Variants in IQUB observed in about 807,000 individuals in gnomAD.
IQUB encodes IQ motif and ubiquitin-like domain-containing protein.
IQUB carries 86 observed loss-of-function variants against 86.4 expected under a neutral mutation model. The observed-to-expected ratio is 1.00, with a 90% confidence interval of 0.84 to 1.19. IQUB has a LOEUF of 1.19. Ranked by LOEUF, IQUB falls within the 50% of genes most tolerant of loss-of-function variation. IQUB has a pLI of 0.00. For synonymous variants in IQUB, 289 were observed against 304.5 expected, an observed-to-expected ratio of 0.95 and a Z score of 0.53; for missense variants, 946 against 916.9, an observed-to-expected ratio of 1.03 and a Z score of -0.41.
chr7:123,486,379 T>C (rs140809217), intron 7 of IQUB, among the ~76,000 whole-genome samples: 2 of 152,264 alleles, frequency 1.3e-5, no homozygotes, highest in Non-Finnish European at 2.9e-5. Context: ...CCCTAACAAC[T>C]TCTCAATACC....
rs190800222 is a variant in IQUB, at chr7:123,498,831, C to A, written c.1024-1925G>T. Among the ~76,000 whole-genome samples the A allele has an allele frequency of 3.3e-3, 509 of 152,276 alleles. 2 individuals carry two copies. Among genetic ancestry groups the A allele is most frequent in the African/African-American group, 0.012 (490 of 41,560 alleles). ...TCTTAGTTATATGGCCTCACTGATACACAAGGGAAGTGATGAAATGTGGTC... is the reference window on the plus strand; with the variant it reads ...TCTTAGTTATATGGCCTCACTGATAAACAAGGGAAGTGATGAAATGTGGTC... On this transcript the variant is annotated intron_variant, in intron 6 of 12. Coordinates refer to ENST00000324698, the MANE Select transcript of IQUB (RefSeq NM_178827.5).
chr7:123,513,081 A>G (rs183255458), intron 1 of IQUB, among the ~76,000 whole-genome samples: 3 of 152,274 alleles, frequency 2.0e-5, no homozygotes, highest in African/African-American at 7.2e-5. Context: ...CCCAGACCAG[A>G]TTTCTATGGC....
chr7:123,466,280 T>C (rs895124433), intron 9 of IQUB, among the ~76,000 whole-genome samples: 4 of 152,168 alleles, frequency 2.6e-5, no homozygotes, highest in African/African-American at 9.7e-5. Context: ...GAATATTTCA[T>C]ACTAAACATA....
At chr7:123,475,749 C>T (rs1794722780) in intron 8 of IQUB, among the ~76,000 whole-genome samples, 1 of 152,132 alleles carries the variant, frequency 6.6e-6, no homozygotes, top group South Asian at 2.1e-4. Flanking sequence ...CATGGACACT[C>T]AGAGGCTTCC....
intron 6 of IQUB, among the ~76,000 whole-genome samples, chr7:123,497,505 G>A (rs1404594610): frequency 6.6e-6 from 1 of 151,954 alleles, no homozygotes; most frequent in Non-Finnish European, 1.5e-5. Context: ...TTATTAACTT[G>A]TATGAAACAT....
intron 9 of IQUB, among the ~76,000 whole-genome samples, chr7:123,468,712 C>A (rs1436083281): frequency 6.6e-6 from 1 of 152,184 alleles, no homozygotes; most frequent in Non-Finnish European, 1.5e-5. Context: ...CAGGAATTAT[C>A]CTGATAGCAC....
intron 3 of IQUB, among the ~76,000 whole-genome samples, chr7:123,509,054 T>C (rs920360588): frequency 6.6e-6 from 1 of 152,160 alleles, no homozygotes; most frequent in Non-Finnish European, 1.5e-5. Context: ...ACATCTTACA[T>C]TTACTATAAT....
intron 8 of IQUB, among the ~76,000 whole-genome samples, chr7:123,477,422 C>A (rs187317911): frequency 7.9e-4 from 120 of 152,258 alleles, no homozygotes; most frequent in African/African-American, 2.7e-3. Context: ...TCCTTACACA[C>A]CTTATACAAA....
Position 123,512,211 on chromosome 7 carries a change from C to G in IQUB, c.130G>C (p.Glu44Gln), listed in dbSNP as rs1239817598. 3.7e-6 allele frequency: 6 copies of G among 1,613,740 alleles called. No homozygotes were observed. Among genetic ancestry groups the G allele is most frequent in the Non-Finnish European group, 5.1e-6 (6 of 1,179,698 alleles). Reference protein sequence around the residue: ...EEPQESDQTEEHESGIEQFSE... With the variant: ...EEPQESDQTEQHESGIEQFSE... ...AATTGTTCTATTCCAGATTCATGCT[C>G]TTCAGTTTGATCTGACTCTTGAGGC... Residue 44 changes from glutamate (E) to glutamine (Q), a missense_variant, in exon 2 of 13, where the codon GAG becomes CAG. Physicochemically the swap from Glu to Gln is conservative, Grantham distance 29. Coordinates refer to ENST00000324698, the MANE Select transcript of IQUB (RefSeq NM_178827.5).
At chr7:123,472,533 A>G (rs1794574914) in intron 8 of IQUB, among the ~76,000 whole-genome samples, 1 of 152,202 alleles carries the variant, frequency 6.6e-6, no homozygotes, top group South Asian at 2.1e-4. Context: ...ATGGGTTGCT[A>G]TGAAGCACTT....
At chr7:123,481,238 T>C (rs1794989168) in intron 7 of IQUB, among the ~76,000 whole-genome samples, 1 of 152,230 alleles carries the variant, frequency 6.6e-6, no homozygotes, top group East Asian at 1.9e-4. Context: ...AAGGGAGCCA[T>C]CACCCCCCAC....
At chr7:123,520,007 A>G (rs1230610472) in intron 1 of IQUB, among the ~76,000 whole-genome samples, 2 of 142,730 alleles carry the variant, frequency 1.4e-5, no homozygotes, top group African/African-American at 2.6e-5. Flanking sequence ...GTACCTACTC[A>G]TTACCAGTCC....
At chr7:123,453,070 G>A (rs755156586) in intron 12 of IQUB, 145 bp from the exon 13 acceptor site, 161 of 632,974 alleles carry the variant, frequency 2.5e-4, no homozygotes, top group Non-Finnish European at 2.3e-4. Context: ...CATCATTCAC[G>A]ACTCAGCTCC....
Position 123,499,779 on chromosome 7 carries a change from C to T in IQUB, c.1023+2818G>A, listed in dbSNP as rs535711415. On this transcript the variant is annotated intron_variant, in intron 6 of 12. Transcript: ENST00000324698. Reference sequence around the variant, plus strand: ...GTCAGAGGCGTGTGAACCAGAGCAACTCCATCTTGAATAGGAGCTGGGTGA... The same window carrying T: ...GTCAGAGGCGTGTGAACCAGAGCAATTCCATCTTGAATAGGAGCTGGGTGA... Among the ~76,000 whole-genome samples the T allele has an allele frequency of 3.3e-5, 5 of 152,302 alleles. No individual in the cohort carries two copies. In the South Asian group the frequency reaches 1.0e-3, roughly 32 times the overall value.
At chr7:123,488,185 A>T (rs28472937) in intron 7 of IQUB, among the ~76,000 whole-genome samples, 1 of 151,742 alleles carries the variant, frequency 6.6e-6, no homozygotes, top group African/African-American at 2.4e-5. Flanking sequence ...TACAAAAAAT[A>T]AAAAAATTAT....
At chr7:123,457,921 C>T (rs933177238) in intron 11 of IQUB, 1 of 178,336 alleles carries the variant, frequency 5.6e-6, no homozygotes, top group Non-Finnish European at 1.2e-5. Context: ...AATTTCAGGG[C>T]CATTGTAGGG....
At chr7:123,478,718 A>C (rs1474539712) in intron 8 of IQUB, among the ~76,000 whole-genome samples, 1 of 152,190 alleles carries the variant, frequency 6.6e-6, no homozygotes, top group African/African-American at 2.4e-5. Context: ...AGAAGTCAAA[A>C]ATAATACCCA....
chr7:123,476,188 A>G (rs1021797788), intron 8 of IQUB, among the ~76,000 whole-genome samples: 1 of 152,224 alleles, frequency 6.6e-6, no homozygotes, highest in Non-Finnish European at 1.5e-5. Flanking sequence ...GCATGTAGGT[A>G]CAATAAAGAT....
chr7:123,522,556 A>G (rs1796955987), intron 1 of IQUB, among the ~76,000 whole-genome samples: 1 of 152,240 alleles, frequency 6.6e-6, no homozygotes, highest in Non-Finnish European at 1.5e-5. Context: ...CTTAGCAAAC[A>G]GTGCCTGGCA....
Sources: allele counts gnomAD v4.1 joint callset (sites outside exome capture counted in the v4.1 genomes callset), GRCh38; gene constraint gnomAD v4.1.1; transcripts MANE v1.5; gene names NCBI Gene and HGNC (gene_info 2026-07-23, HGNC 2026-07-21).